TCF7L2: variants seen among roughly 807,000 people sequenced by gnomAD.
The protein encoded by TCF7L2 is transcription factor 7 like 2.
TCF7L2 carries 23 observed loss-of-function variants against 77.9 expected under a neutral mutation model. That is an observed-to-expected ratio of 0.30 (90% CI 0.21 to 0.42). The LOEUF is 0.42. Ranked by LOEUF, TCF7L2 falls within the 10% of genes least tolerant of loss-of-function variation. TCF7L2 has a pLI of 1.00. For synonymous variants in TCF7L2, 413 were observed against 340.2 expected (o/e 1.21, Z -2.36); for missense variants, 654 against 793.1 (o/e 0.82, Z 2.11).
intron 5 of TCF7L2, among the ~76,000 whole-genome samples, chr10:113,075,406 C>T (rs1396625395): frequency 1.3e-5 from 2 of 151,294 alleles, no homozygotes; most frequent in Admixed American, 1.3e-4. Flanking sequence ...TTACAGTGAG[C>T]TGAGATCGTG....
chr10:112,996,222 C>T (rs2133227219), intron 4 of TCF7L2, among the ~76,000 whole-genome samples: 1 of 152,048 alleles, frequency 6.6e-6, no homozygotes, highest in South Asian at 2.1e-4. Flanking sequence ...GAATGTTGTG[C>T]ATTGAGAAAA....
Position 113,089,386 on chromosome 10 carries a change from C to G in TCF7L2, c.552+49260C>G, listed in dbSNP as rs747970993. 7 of 1,611,694 alleles carry G rather than the reference C, an allele frequency of 4.3e-6. 1 individual carries two copies. In the South Asian group the frequency reaches 7.7e-5, roughly 18 times the overall value. On this transcript the variant is annotated intron_variant, in intron 5 of 13. Transcript: ENST00000627217. ...CCCGAGCCTTACTCTGTTCCCCTTT[C>G]TTCCTGGCAGCAGAGCCCCCTCCCT...
At chr10:112,976,041 G>A (rs2039356086) in intron 4 of TCF7L2, among the ~76,000 whole-genome samples, 1 of 152,260 alleles carries the variant, frequency 6.6e-6, no homozygotes, top group South Asian at 2.1e-4. Context: ...CCTGCTTCTG[G>A]AGTCAGGTAT....
chr10:113,126,727 G>C (rs1432538884), intron 5 of TCF7L2: 10 of 985,820 alleles, frequency 1.0e-5, no homozygotes, highest in African/African-American at 7.0e-5. Context: ...CTGCTCCCCT[G>C]TGCCGCGGGT....
intron 4 of TCF7L2, among the ~76,000 whole-genome samples, chr10:113,012,547 C>T (rs2133653190): frequency 6.6e-6 from 1 of 152,052 alleles, no homozygotes; most frequent in Non-Finnish European, 1.5e-5. Context: ...AAGGAGATAC[C>T]CAGGACTTTT....
At chr10:112,956,680 G>T (rs1056632500) in intron 3 of TCF7L2, among the ~76,000 whole-genome samples, 1 of 152,094 alleles carries the variant, frequency 6.6e-6, no homozygotes, top group African/African-American at 2.4e-5. Flanking sequence ...AGGCAAACTC[G>T]CACCTCGACA....
chr10:113,151,272 T>G lies in TCF7L2; in HGVS notation c.1001+149T>G. 2 of 1,055,156 alleles carry G rather than the reference T, an allele frequency of 1.9e-6. No homozygotes were observed. Among genetic ancestry groups the G allele is most frequent in the Non-Finnish European group, 1.4e-6 (1 of 725,714 alleles). 65.4% of individuals were successfully genotyped at this position (1,055,156 alleles called of 1,614,324 possible). A position where few individuals can be genotyped will look rare whatever the true frequency, so the allele number is the denominator to read the frequency against. On this transcript the variant is annotated intron_variant, in intron 9 of 13. Coordinates refer to ENST00000627217, the MANE Select transcript of TCF7L2 (RefSeq NM_001146274.2). The surrounding 1 kb of genome is among the most constrained non-coding windows in gnomAD (Gnocchi z 5.2). ...AGCCTGTGTGGGCTCTTCACTCCCTTACAAAGAGAGAGAGAGTGCACAGTG... is the reference window on the plus strand; with the variant it reads ...AGCCTGTGTGGGCTCTTCACTCCCTGACAAAGAGAGAGAGAGTGCACAGTG...
chr10:113,037,881 G>A (rs1391894345), intron 4 of TCF7L2, among the ~76,000 whole-genome samples: 1 of 152,190 alleles, frequency 6.6e-6, no homozygotes, highest in East Asian at 1.9e-4. Flanking sequence ...GTGAGTGTTG[G>A]TGGGTGTCCA....
chr10:113,016,101 G>A (rs1258510436), intron 4 of TCF7L2, among the ~76,000 whole-genome samples: 2 of 149,656 alleles, frequency 1.3e-5, no homozygotes, highest in Non-Finnish European at 3.0e-5. Flanking sequence ...GTCTTGCTTT[G>A]TTGCCCAGGC....
At chr10:113,056,247 G>C (rs1258147837) in intron 5 of TCF7L2, among the ~76,000 whole-genome samples, 1 of 152,218 alleles carries the variant, frequency 6.6e-6, no homozygotes, top group Non-Finnish European at 1.5e-5. Flanking sequence ...GCAGAGCCAA[G>C]ATTCAAATCC....
chr10:113,157,498 T>C lies in TCF7L2; in HGVS notation c.1270-523T>C, dbSNP rs59871930. Reference sequence around the variant, plus strand: ...CCCCTGCATCTTTAACAGCAAACTCTAAGAGAAGCCTCTGCTAAAGCTTTC... The same window carrying C: ...CCCCTGCATCTTTAACAGCAAACTCCAAGAGAAGCCTCTGCTAAAGCTTTC... On this transcript the variant is annotated intron_variant, in intron 11 of 13. Transcript: ENST00000627217. Among the ~76,000 whole-genome samples the C allele has an allele frequency of 1.7e-4, 26 of 152,320 alleles. No individual in the cohort carries two copies. In the East Asian group the frequency reaches 5.0e-3, roughly 29 times the overall value.
At chr10:112,966,734 C>T (rs753693072) in intron 4 of TCF7L2, among the ~76,000 whole-genome samples, 1 of 152,174 alleles carries the variant, frequency 6.6e-6, no homozygotes, top group Admixed American at 6.5e-5. Flanking sequence ...CCGAGCAGTT[C>T]GTCTTTCTCC....
At chr10:113,084,739 A>G (rs941567399) in intron 5 of TCF7L2, among the ~76,000 whole-genome samples, 1 of 152,008 alleles carries the variant, frequency 6.6e-6, no homozygotes, top group Non-Finnish European at 1.5e-5. Context: ...TACCAAAAAA[A>G]ATACAAACAT....
At chr10:113,164,022 T>G (rs532209069) in intron 13 of TCF7L2, among the ~76,000 whole-genome samples, 4 of 152,362 alleles carry the variant, frequency 2.6e-5, no homozygotes, top group Admixed American at 2.0e-4. Flanking sequence ...GGCAGAAAGC[T>G]GGCCAGTGCT....
chr10:113,090,126 C>A (rs1473912815), intron 5 of TCF7L2, among the ~76,000 whole-genome samples: 1 of 152,140 alleles, frequency 6.6e-6, no homozygotes, highest in East Asian at 1.9e-4. Flanking sequence ...GTCAATACCC[C>A]ACACTGCTCA....
chr10:113,063,120 C>T (rs569870205), intron 5 of TCF7L2, among the ~76,000 whole-genome samples: 2 of 152,164 alleles, frequency 1.3e-5, no homozygotes, highest in African/African-American at 4.8e-5. Context: ...GAAGTTATAC[C>T]GTGCCTGTAA....
At chr10:112,958,737 T>C (rs2034321635) in intron 3 of TCF7L2, among the ~76,000 whole-genome samples, 1 of 152,048 alleles carries the variant, frequency 6.6e-6, no homozygotes, top group Non-Finnish European at 1.5e-5. Flanking sequence ...GGTCTTTGGG[T>C]GGGTTGGTTT....
Position 113,025,325 on chromosome 10 carries a change from G to A in TCF7L2, c.451-14700G>A, listed in dbSNP as rs184490766. On this transcript the variant is annotated intron_variant, in intron 4 of 13. Transcript: ENST00000627217. Reference sequence around the variant, plus strand: ...GCGTTCTTGGCTCACTGCAATCTCCGCCTCCTGGGTTCAAGTGATTCTCCT... The same window carrying A: ...GCGTTCTTGGCTCACTGCAATCTCCACCTCCTGGGTTCAAGTGATTCTCCT... Among the ~76,000 whole-genome samples, 398 of 148,110 alleles carry A rather than the reference G, an allele frequency of 2.7e-3. 2 individuals carry two copies. The highest frequency in any genetic ancestry group is 8.5e-3 in the African/African-American group (341 of 40,140).
chr10:112,980,000 T>C (rs1223730141), intron 4 of TCF7L2, among the ~76,000 whole-genome samples: 1 of 152,226 alleles, frequency 6.6e-6, no homozygotes, highest in East Asian at 1.9e-4. Flanking sequence ...TTAAATGAAC[T>C]TGGAAGAAAC....
Sources: gnomAD v4.1 joint callset for allele counts (sites outside exome capture counted in the v4.1 genomes callset) on GRCh38, gnomAD v4.1.1 for gene constraint, Gnocchi (gnomAD v3.1) non-coding constraint, MANE v1.5 for transcripts, NCBI Gene and HGNC (gene_info 2026-07-23, HGNC 2026-07-21) for gene names.